Variants in NPHP4 observed in about 807,000 individuals in gnomAD.
NPHP4 encodes nephrocystin-4.
NPHP4 carries 151 observed loss-of-function variants against 155.8 expected under a neutral mutation model. The ratio of observed to expected loss-of-function variants is 0.97; its 90% CI spans 0.85 to 1.11. NPHP4 has a LOEUF of 1.11. Ranked by LOEUF, NPHP4 falls within the 50% of genes least tolerant of loss-of-function variation. NPHP4 has a pLI of 0.00. For missense variants in NPHP4, 1,956 were observed against 1,925.7 expected (o/e 1.02, Z -0.29); for synonymous variants, 845 against 816.8 (o/e 1.03, Z -0.59).
chr1:5,947,341 G>A (rs962299755), intron 8 of NPHP4, 111 bp from the exon 9 acceptor site: 5 of 1,156,454 alleles, frequency 4.3e-6, no homozygotes, highest in Non-Finnish European at 6.3e-6. Flanking sequence ...GGGACACAGG[G>A]GTGCTGCTGC....
At chr1:5,864,207 T>C in intron 28 of NPHP4, 131 bp downstream of exon 28, 1 of 1,126,412 alleles carries the variant, frequency 8.9e-7, no homozygotes. Context: ...GAGCAAACAC[T>C]CATGCACCCG....
In NPHP4 at chr1:5,905,730, C is replaced by G; in HGVS notation, c.1665G>C (p.Gln555His). The change falls in exon 14 of 30, where the codon CAG becomes CAC. Residue 555 changes from glutamine to histidine, a missense_variant. Physicochemically the swap from Gln to His is conservative, Grantham distance 24. Transcript: ENST00000378156. This position sits in a 1 kb window ranked among gnomAD's most constrained non-coding sequence, Gnocchi z 4.0. ...GISHLEADLSQTSLVLETSIA... is the reference protein window; with the variant it reads ...GISHLEADLSHTSLVLETSIA... ...TGGATGTTTCCAGGACCAGGGAGGT[C>G]TGGCTCAGGTCGGCTTCCAGGTGGG... 1 of 1,613,462 alleles carries G rather than the reference C, an allele frequency of 6.2e-7. No homozygotes were observed. Among genetic ancestry groups the G allele is most frequent in the Non-Finnish European group, 8.5e-7 (1 of 1,179,646 alleles).
intron 9 of NPHP4, among the ~76,000 whole-genome samples, chr1:5,946,724 G>A (rs1486100172): frequency 1.3e-5 from 2 of 152,366 alleles, no homozygotes; most frequent in East Asian, 1.9e-4. Context: ...AGGGGGAGGA[G>A]AGTGACTGAA....
chr1:5,969,534 T>C (rs936709204), intron 3 of NPHP4, among the ~76,000 whole-genome samples: 5 of 152,128 alleles, frequency 3.3e-5, no homozygotes, highest in African/African-American at 1.2e-4. Context: ...CTCCAGGAAC[T>C]TTCCATTCCC....
At chr1:5,898,618 C>T (rs538369692) in intron 16 of NPHP4, among the ~76,000 whole-genome samples, 208 of 152,352 alleles carry the variant, frequency 1.4e-3, no homozygotes, top group African/African-American at 4.8e-3. Context: ...AAGCTGGAAC[C>T]AAGGCATTCT....
chr1:5,898,528 C>T (rs1463577680), intron 16 of NPHP4, among the ~76,000 whole-genome samples: 6 of 152,250 alleles, frequency 3.9e-5, no homozygotes, highest in Middle Eastern at 6.3e-3. Context: ...CCCAGCGGCT[C>T]TGCCGGGCAG....
At chr1:5,931,529 TTCAA>T (rs1290597476) in intron 10 of NPHP4, among the ~76,000 whole-genome samples, 3 of 150,492 alleles carry the variant, frequency 2.0e-5, no homozygotes, top group African/African-American at 7.3e-5. Context: ...AGGTCAGGAG[TTCAA>T]GACCAGCCTG....
At chr1:5,874,406 A>T in intron 22 of NPHP4, 65 bp downstream of exon 22, 1 of 1,392,854 alleles carries the variant, frequency 7.2e-7, no homozygotes, top group Non-Finnish European at 9.6e-7. Context: ...TGGAGACTGG[A>T]AGCATTCTCA....
chr1:5,875,521 G>A (rs540544090), intron 20 of NPHP4, among the ~76,000 whole-genome samples: 2 of 152,232 alleles, frequency 1.3e-5, no homozygotes, highest in East Asian at 1.9e-4. Flanking sequence ...GTCCACAGGA[G>A]AGGACATGCC....
At chr1:5,927,102 C>T (rs891038015) in intron 11 of NPHP4, among the ~76,000 whole-genome samples, 1 of 152,248 alleles carries the variant, frequency 6.6e-6, no homozygotes, top group African/African-American at 2.4e-5. Flanking sequence ...GCTAGGCTGA[C>T]GGCCAATAAG....
intron 16 of NPHP4, among the ~76,000 whole-genome samples, chr1:5,899,942 G>A (rs1334298936): frequency 6.6e-6 from 1 of 152,212 alleles, no homozygotes; most frequent in East Asian, 1.9e-4. Flanking sequence ...TACACAGACA[G>A]CAAATAAGCA....
Position 5,950,424 on chromosome 1 carries a change from T to C in NPHP4, c.811-2173A>G, listed in dbSNP as rs550891821. Reference sequence around the variant, plus strand: ...AGCTATGGCCGAGTTGGCAAAATCCTGGGAATTCCACCAAACCCTCATGGT... The same window carrying C: ...AGCTATGGCCGAGTTGGCAAAATCCCGGGAATTCCACCAAACCCTCATGGT... On this transcript the variant is annotated intron_variant, in intron 7 of 29. Coordinates refer to ENST00000378156, the MANE Select transcript of NPHP4 (RefSeq NM_015102.5). Among the ~76,000 whole-genome samples, 11 of 152,260 alleles carry C rather than the reference T, an allele frequency of 7.2e-5. No homozygotes were observed. In the South Asian group the frequency reaches 2.3e-3, roughly 32 times the overall value.
At chr1:5,950,712 T>C (rs929313391) in intron 7 of NPHP4, among the ~76,000 whole-genome samples, 12 of 152,036 alleles carry the variant, frequency 7.9e-5, no homozygotes, top group African/African-American at 2.9e-4. Flanking sequence ...CCAACCAAAG[T>C]CATCCTAGAC....
intron 1 of NPHP4, among the ~76,000 whole-genome samples, chr1:5,988,891 T>C (rs971082198): frequency 6.6e-6 from 1 of 152,180 alleles, no homozygotes; most frequent in Non-Finnish European, 1.5e-5. Context: ...AGATGCTGCA[T>C]GTGGGCCAGG....
At chr1:5,874,853 C>T (rs192907334) in intron 21 of NPHP4, 21 bp downstream of exon 21, 191 of 1,604,856 alleles carry the variant, frequency 1.2e-4, no homozygotes, top group Non-Finnish European at 1.4e-4. Flanking sequence ...TGGGGCAGGA[C>T]GGGCACCACT....
chr1:5,869,287 G>A (rs534760333), intron 23 of NPHP4, among the ~76,000 whole-genome samples: 1 of 144,432 alleles, frequency 6.9e-6, no homozygotes, highest in Non-Finnish European at 1.5e-5. Context: ...ATCCATACAT[G>A]TACACAGATG....
intron 9 of NPHP4, among the ~76,000 whole-genome samples, chr1:5,941,411 C>A (rs1363288823): frequency 6.8e-6 from 1 of 147,500 alleles, no homozygotes; most frequent in Non-Finnish European, 1.5e-5. Context: ...AATCCAGATA[C>A]AATAAAAGAA....
intron 11 of NPHP4, among the ~76,000 whole-genome samples, chr1:5,917,155 T>C (rs1221250644): frequency 1.2e-4 from 19 of 152,086 alleles, no homozygotes; most frequent in African/African-American, 4.3e-4. Flanking sequence ...TCCCAGCCCT[T>C]AACCATACAG....
chr1:5,968,560 C>T (rs184469099), intron 4 of NPHP4, among the ~76,000 whole-genome samples: 137 of 151,840 alleles, frequency 9.0e-4, no homozygotes, highest in Non-Finnish European at 1.7e-3. Flanking sequence ...AATGTTGCAC[C>T]ACTGCACTAC....
Sources: allele counts gnomAD v4.1 joint callset (sites outside exome capture counted in the v4.1 genomes callset), GRCh38; gene constraint gnomAD v4.1.1; non-coding constraint Gnocchi (gnomAD v3.1); transcripts MANE v1.5; gene names NCBI Gene and HGNC (gene_info 2026-07-23, HGNC 2026-07-21).